CDH4: variants seen among roughly 807,000 people sequenced by gnomAD.
CDH4 encodes cadherin-4.
In CDH4, 33 loss-of-function variants were observed where a neutral mutation model predicts 86.0. That is an observed-to-expected ratio of 0.38 (90% CI 0.29 to 0.51). The LOEUF is 0.51. CDH4 is among the 20% of genes least tolerant of loss of function. CDH4 has a pLI of 0.86. For missense variants in CDH4, 1,114 were observed against 1,307.4 expected (o/e 0.85, Z 2.28); for synonymous variants, 555 against 549.4 (o/e 1.01, Z -0.14).
intron 2 of CDH4, among the ~76,000 whole-genome samples, chr20:61,616,674 G>A (rs2086727584): frequency 6.6e-6 from 1 of 152,214 alleles, no homozygotes; most frequent in Non-Finnish European, 1.5e-5. Flanking sequence ...AAAGCTTGCT[G>A]TCATCATGGC....
intron 2 of CDH4, among the ~76,000 whole-genome samples, chr20:61,335,969 C>T (rs148867637): frequency 9.2e-5 from 14 of 152,208 alleles, no homozygotes; most frequent in Admixed American, 4.6e-4. Flanking sequence ...AAAGTAGAAA[C>T]GCGGCCCACA....
intron 4 of CDH4, among the ~76,000 whole-genome samples, chr20:61,823,663 TTA>T (rs2146070797): frequency 6.6e-6 from 1 of 152,336 alleles, no homozygotes; most frequent in South Asian, 2.1e-4. Context: ...AAACCCATGC[TTA>T]TGATTGTTGA....
At chr20:61,323,786 G>T (rs2084522577) in intron 2 of CDH4, among the ~76,000 whole-genome samples, 1 of 152,152 alleles carries the variant, frequency 6.6e-6, no homozygotes, top group Admixed American at 6.5e-5. Context: ...GTCACCTTTA[G>T]TACATGCAAA....
chr20:61,746,544 A>T (rs1433240030), intron 3 of CDH4, among the ~76,000 whole-genome samples: 1 of 152,100 alleles, frequency 6.6e-6, no homozygotes, highest in Non-Finnish European at 1.5e-5. Flanking sequence ...AGGAGTGGAA[A>T]AGGACTTTGC....
chr20:61,580,935 G>A (rs1378402338), intron 2 of CDH4, among the ~76,000 whole-genome samples: 1 of 152,212 alleles, frequency 6.6e-6, no homozygotes, highest in Non-Finnish European at 1.5e-5. Flanking sequence ...GAGGACCTGA[G>A]GATAAGTCAG....
At chr20:61,521,112 G>A (rs2085865865) in intron 2 of CDH4, among the ~76,000 whole-genome samples, 1 of 152,206 alleles carries the variant, frequency 6.6e-6, no homozygotes, top group African/African-American at 2.4e-5. Context: ...CATCAGAAAG[G>A]ACTTCTGCTT....
intron 2 of CDH4, among the ~76,000 whole-genome samples, chr20:61,649,314 G>A (rs1200026445): frequency 3.3e-5 from 5 of 152,260 alleles, no homozygotes; most frequent in Admixed American, 3.3e-4. Flanking sequence ...ACGTCTGGCA[G>A]AGAGTTCAAA....
In CDH4 at chr20:61,829,411, A is replaced by G. The variant is rs1445554216; in HGVS notation, c.577-15257A>G. 2.6e-5 allele frequency among the ~76,000 whole-genome samples: 4 copies of G among 152,324 alleles called. No homozygotes were observed. In the East Asian group the frequency reaches 5.8e-4, roughly 22 times the overall value. The stretch of plus-strand genomic sequence containing the variant: ...TTTAGCCACTCAGCAGCTGACAGAC[A>G]CTTGGCGGTTGCACTTTGGGGCTGT... On this transcript the variant is annotated intron_variant, in intron 4 of 15. Transcript: ENST00000614565. The surrounding 1 kb of genome is among the most constrained non-coding windows in gnomAD (Gnocchi z 4.2).
chr20:61,674,718 G>A (rs1009927773), intron 2 of CDH4, among the ~76,000 whole-genome samples: 6 of 152,280 alleles, frequency 3.9e-5, no homozygotes, highest in African/African-American at 1.2e-4. Context: ...TTGTTCATGC[G>A]AAATCTGACA....
chr20:61,759,552 A>G (rs754316569), intron 3 of CDH4, among the ~76,000 whole-genome samples: 20 of 152,350 alleles, frequency 1.3e-4, no homozygotes, highest in Non-Finnish European at 2.8e-4. Context: ...GGCACCGACC[A>G]TCTTTCTCAC....
intron 7 of CDH4, among the ~76,000 whole-genome samples, chr20:61,888,266 G>A (rs1984636016): frequency 6.6e-6 from 1 of 152,340 alleles, no homozygotes; most frequent in East Asian, 1.9e-4. Context: ...ATGGGTATCT[G>A]ACATTTGGGT....
At chr20:61,531,039 A>T (rs963232133) in intron 2 of CDH4, among the ~76,000 whole-genome samples, 3 of 151,274 alleles carry the variant, frequency 2.0e-5, no homozygotes, top group Non-Finnish European at 4.4e-5. Flanking sequence ...GGTTTTGGAA[A>T]TTCGGTACAC....
intron 2 of CDH4, among the ~76,000 whole-genome samples, chr20:61,736,848 G>A (rs898322831): frequency 7.2e-5 from 11 of 152,168 alleles, no homozygotes; most frequent in South Asian, 2.1e-4. Flanking sequence ...CAAGACTGGG[G>A]TGACAGAGGG....
intron 7 of CDH4, among the ~76,000 whole-genome samples, chr20:61,875,669 C>G (rs1983991368): frequency 6.6e-6 from 1 of 152,208 alleles, no homozygotes; most frequent in African/African-American, 2.4e-5. Context: ...CTCAGGACTG[C>G]AGGATCCGCT....
chr20:61,818,228 C>T (rs1463324433), intron 4 of CDH4, among the ~76,000 whole-genome samples: 1 of 152,164 alleles, frequency 6.6e-6, no homozygotes, highest in Admixed American at 6.5e-5. Context: ...TCTCACATCA[C>T]GCAGACAGTG....
chr20:61,753,090 TAAGC>T (rs1458723329), intron 3 of CDH4, among the ~76,000 whole-genome samples: 1 of 152,182 alleles, frequency 6.6e-6, no homozygotes, highest in Non-Finnish European at 1.5e-5. Flanking sequence ...GGGCACGTGG[TAAGC>T]AAGAGTTCTG....
chr20:61,596,574 A>T (rs1189386727), intron 2 of CDH4, among the ~76,000 whole-genome samples: 1 of 152,166 alleles, frequency 6.6e-6, no homozygotes, highest in Admixed American at 6.5e-5. Flanking sequence ...AGGGGCAGTG[A>T]TCACCCTGGC....
intron 4 of CDH4, among the ~76,000 whole-genome samples, chr20:61,808,054 AC>A (rs1275657219): frequency 6.6e-6 from 1 of 152,094 alleles, no homozygotes; most frequent in Non-Finnish European, 1.5e-5. Context: ...GGGAGCTGAG[AC>A]CAGCAAGTGT....
At chr20:61,872,022 G>A (rs1983825834) in intron 6 of CDH4, among the ~76,000 whole-genome samples, 1 of 152,194 alleles carries the variant, frequency 6.6e-6, no homozygotes, top group Non-Finnish European at 1.5e-5. Flanking sequence ...GCTGCAGAGG[G>A]AGGGCGAGGT....
Sources: gnomAD v4.1 joint callset for allele counts (sites outside exome capture counted in the v4.1 genomes callset) on GRCh38, gnomAD v4.1.1 for gene constraint, Gnocchi (gnomAD v3.1) non-coding constraint, MANE v1.5 for transcripts, NCBI Gene and HGNC (gene_info 2026-07-23, HGNC 2026-07-21) for gene names.